Variants in RIPK2 observed in about 807,000 individuals in gnomAD.
RIPK2 encodes receptor interacting serine/threonine kinase 2, also known as receptor-interacting serine/threonine-protein kinase 2.
In RIPK2, 38 loss-of-function variants were observed where a neutral mutation model predicts 60.9. That is an observed-to-expected ratio of 0.62 (90% CI 0.48 to 0.82). The LOEUF (loss-of-function observed/expected upper bound fraction) is 0.82, where lower values mean the gene tolerates loss of function less well. Among genes scored for constraint, RIPK2 ranks in the 40% least tolerant of loss-of-function variants. The pLI is 0.00. For synonymous variants in RIPK2, 225 were observed against 223.4 expected (o/e 1.01, Z -0.06); for missense variants, 518 against 647.0 (o/e 0.80, Z 2.16).
At position 89,772,835 on chromosome 8, in the gene RIPK2, A is replaced by G. The variant is rs371202718; in HGVS notation, c.853+7A>G. 6.3e-7 allele frequency: 1 copy of G among 1,589,570 alleles called. No individual in the cohort carries two copies. Among genetic ancestry groups the G allele is most frequent in the Non-Finnish European group, 8.6e-7 (1 of 1,165,562 alleles). On this transcript the variant is annotated splice_region_variant and intron_variant, in intron 6 of 10. Coordinates refer to ENST00000220751, the MANE Select transcript of RIPK2 (RefSeq NM_003821.6). ...GAAAGACCATCTTTCTTAAGTGAGT[A>G]TATAGTTTTAACCTAGACTCTTTGA...
At chr8:89,775,728 G>T (rs1301473944) in intron 6 of RIPK2, among the ~76,000 whole-genome samples, 1 of 151,824 alleles carries the variant, frequency 6.6e-6, no homozygotes, top group Non-Finnish European at 1.5e-5. Flanking sequence ...TTGTAGATCT[G>T]GTTATAGAAC....
At position 89,790,264 on chromosome 8, in the gene RIPK2, C is replaced by T. The variant is rs991515129; in HGVS notation, c.1471C>T (p.Leu491=). 4 of 1,614,114 alleles carry T rather than the reference C, an allele frequency of 2.5e-6. No individual in the cohort carries two copies. The highest frequency in any genetic ancestry group is 3.4e-6 in the Non-Finnish European group (4 of 1,179,990). ...AAGGACCTCAAAAGTCAGACAATTACTAGACACTACTGACATCCAAGGAGA... is the reference window on the plus strand; with the variant it reads ...AAGGACCTCAAAAGTCAGACAATTATTAGACACTACTGACATCCAAGGAGA... ...PTRTSKVRQL[L]DTTDIQGEEF... is the part of the protein sequence containing the mutation. The change falls in exon 11 of 11, where the codon CTA becomes TTA. Residue 491 remains leucine (L), a synonymous_variant. Coordinates refer to ENST00000220751, the MANE Select transcript of RIPK2 (RefSeq NM_003821.6).
chr8:89,789,155 T>A (rs540163876), intron 9 of RIPK2, among the ~76,000 whole-genome samples, 166 bp from the exon 10 acceptor site: 47 of 152,314 alleles, frequency 3.1e-4, no homozygotes, highest in Admixed American at 2.0e-3. Context: ...CCCTTTTTTG[T>A]TTTAAGAAAT....
intron 6 of RIPK2, among the ~76,000 whole-genome samples, chr8:89,773,285 T>C (rs545593266): frequency 1.3e-5 from 2 of 152,216 alleles, no homozygotes; most frequent in East Asian, 3.9e-4. Flanking sequence ...GGCCTTTTTT[T>C]AGGGGCAAAC....
At chr8:89,774,671 T>C (rs1374082142) in intron 6 of RIPK2, among the ~76,000 whole-genome samples, 1 of 152,152 alleles carries the variant, frequency 6.6e-6, no homozygotes, top group African/African-American at 2.4e-5. Flanking sequence ...TACATGAATC[T>C]GTTGTTCCAG....
chr8:89,772,163 TATG>T (rs1182053928), intron 5 of RIPK2, among the ~76,000 whole-genome samples: 1 of 151,958 alleles, frequency 6.6e-6, no homozygotes, highest in African/African-American at 2.4e-5. Flanking sequence ...AAATTATTTA[TATG>T]ATAATTTAAT....
chr8:89,790,810 T>C lies in RIPK2; in HGVS notation c.*394T>C, dbSNP rs1453953182. On this transcript the variant is annotated 3_prime_UTR_variant, in exon 11 of 11. Coordinates refer to ENST00000220751, the MANE Select transcript of RIPK2 (RefSeq NM_003821.6). The stretch of plus-strand genomic sequence containing the variant: ...TATACCCTTTACCCACCAGAGACAG[T>C]ACAGAATCCCTGCCCTAAAATCCCA... The C allele has an allele frequency of 1.3e-5, 2 of 154,978 alleles. No individual in the cohort carries two copies. Among genetic ancestry groups the C allele is most frequent in the East Asian group, 3.8e-4 (2 of 5,298 alleles). The allele number at this position is 154,978 out of a possible 1,614,324, so 9.6% of individuals were successfully genotyped here.
chr8:89,775,906 T>G (rs986283779), intron 6 of RIPK2, among the ~76,000 whole-genome samples: 2 of 152,192 alleles, frequency 1.3e-5, no homozygotes. Flanking sequence ...CAGAATATAT[T>G]AAGAAAAAGC....
intron 8 of RIPK2, among the ~76,000 whole-genome samples, chr8:89,786,311 G>A (rs892674399): frequency 6.6e-6 from 1 of 151,622 alleles, no homozygotes; most frequent in South Asian, 2.1e-4. Context: ...CCATTTCTAC[G>A]AAAGATACAA....
In RIPK2 at chr8:89,790,661, AATT is replaced by A; in HGVS notation, c.*249_*251del. On this transcript the variant is annotated 3_prime_UTR_variant, in exon 11 of 11. Coordinates refer to ENST00000220751, the MANE Select transcript of RIPK2 (RefSeq NM_003821.6). The stretch of plus-strand genomic sequence containing the variant: ...ACAGAAACCACTTTTAAAGGATAGT[AATT>A]ATTCTTGTTTATAACAGTGCCTTAA... 1 of 369,730 alleles carries A rather than the reference AATT, an allele frequency of 2.7e-6. No individual in the cohort carries two copies. Among genetic ancestry groups the A allele is most frequent in the East Asian group, 4.8e-5 (1 of 20,718 alleles). 22.9% of individuals were successfully genotyped at this position (369,730 alleles called of 1,614,324 possible).
At chr8:89,764,909 T>C (rs1809201941) in intron 2 of RIPK2, among the ~76,000 whole-genome samples, 1 of 152,094 alleles carries the variant, frequency 6.6e-6, no homozygotes, top group South Asian at 2.1e-4. Flanking sequence ...TTTGAATGAA[T>C]GCCTTGGTAT....
At chr8:89,784,339 CA>C (rs1470067888) in intron 8 of RIPK2, among the ~76,000 whole-genome samples, 200 bp downstream of exon 8, 1 of 152,106 alleles carries the variant, frequency 6.6e-6, no homozygotes. Context: ...TTCATCCCAT[CA>C]AATCACAATT....
intron 9 of RIPK2, 70 bp downstream of exon 9, chr8:89,786,756 G>A: frequency 3.3e-6 from 3 of 902,424 alleles, no homozygotes; most frequent in Non-Finnish European, 5.4e-6. Context: ...ATTTTTGCAA[G>A]CAGTCATGAT....
rs35518918 is a variant in RIPK2 at position 89,777,580 on chromosome 8, A to AGTGTGT, written c.854-2482_854-2477dup. Among the ~76,000 whole-genome samples the AGTGTGT allele has an allele frequency of 2.2e-3, 326 of 151,220 alleles. 4 individuals carry two copies. The highest frequency in any genetic ancestry group is 3.4e-3 in the Middle Eastern group (1 of 292). On this transcript the variant is annotated intron_variant, in intron 6 of 10. Transcript: ENST00000220751. ...GCTTTGTATCTAATAGTACAGTGTG[A>AGTGTGT]GTGTGTGTGTGTGTGTGTTTAATTT...
chr8:89,764,793 T>C (rs1439407518), intron 2 of RIPK2, among the ~76,000 whole-genome samples: 1 of 152,108 alleles, frequency 6.6e-6, no homozygotes, highest in Non-Finnish European at 1.5e-5. Flanking sequence ...ATTAAATGTA[T>C]GATAAATTAA....
chr8:89,775,082 C>G (rs1809375412), intron 6 of RIPK2, among the ~76,000 whole-genome samples: 1 of 152,002 alleles, frequency 6.6e-6, no homozygotes, highest in Non-Finnish European at 1.5e-5. Flanking sequence ...CAGCAAGATG[C>G]TTGGCTCTGA....
At chr8:89,773,607 G>T (rs1271005245) in intron 6 of RIPK2, among the ~76,000 whole-genome samples, 1 of 152,136 alleles carries the variant, frequency 6.6e-6, no homozygotes, top group Non-Finnish European at 1.5e-5. Flanking sequence ...AGAAGTTTAG[G>T]TGAAATTCTT....
At position 89,782,489 on chromosome 8, in the gene RIPK2, G is replaced by A. The variant is rs148303397; in HGVS notation, c.940-1561G>A. Among the ~76,000 whole-genome samples the A allele has an allele frequency of 9.1e-4, 139 of 152,140 alleles. 1 individual carries two copies. The highest frequency in any genetic ancestry group is 3.3e-3 in the African/African-American group (136 of 41,500). On this transcript the variant is annotated intron_variant, in intron 7 of 10. Transcript: ENST00000220751. ...AATGTCAGGGACAACAGTAGAACAC[G>A]AATTAAATAAGATTCTTCATAAAGA...
chr8:89,757,997 G>A lies in RIPK2; in HGVS notation c.-64G>A. On this transcript the variant is annotated 5_prime_UTR_variant, in exon 1 of 11. It adds an upstream start codon to the 5' untranslated region. Coordinates refer to ENST00000220751, the MANE Select transcript of RIPK2 (RefSeq NM_003821.6). Reference sequence around the variant, plus strand: ...GCGTATCTGGGCGCCTGAGCGCGGCGTGGGAGCCTTGGGAGCCGCCGCAGC... The same window carrying A: ...GCGTATCTGGGCGCCTGAGCGCGGCATGGGAGCCTTGGGAGCCGCCGCAGC... The A allele has an allele frequency of 6.8e-7, 1 of 1,470,050 alleles. No individual in the cohort carries two copies. Among genetic ancestry groups the A allele is most frequent in the Non-Finnish European group, 9.0e-7 (1 of 1,107,344 alleles). The allele number at this position is 1,470,050 out of a possible 1,614,324, so 91.1% of individuals were successfully genotyped here. A position where few individuals can be genotyped will look rare whatever the true frequency, so the allele number is the denominator to read the frequency against.
Sources: gnomAD v4.1 joint callset for allele counts (sites outside exome capture counted in the v4.1 genomes callset) on GRCh38, gnomAD v4.1.1 for gene constraint, MANE v1.5 for transcripts, NCBI Gene and HGNC (gene_info 2026-07-23, HGNC 2026-07-21) for gene names.